ZW10: variants seen among roughly 807,000 people sequenced by gnomAD.
The protein encoded by ZW10 is centromere/kinetochore protein zw10 homolog.
Under a neutral mutation model 87.8 loss-of-function variants are expected in ZW10, and 53 were observed. The ratio of observed to expected loss-of-function variants is 0.60; its 90% CI spans 0.48 to 0.76. The LOEUF is 0.76. ZW10 is among the 30% of genes least tolerant of loss of function. The pLI, the probability that ZW10 is intolerant of heterozygous loss-of-function variation, is 0.00. For missense variants in ZW10, 837 were observed against 923.0 expected (o/e 0.91, Z 1.21); for synonymous variants, 312 against 329.2 (o/e 0.95, Z 0.57).
chr11:113,766,362 C>CA (rs1364165526), intron 2 of ZW10, among the ~76,000 whole-genome samples: 1 of 151,200 alleles, frequency 6.6e-6, no homozygotes, highest in Non-Finnish European at 1.5e-5. Flanking sequence ...GAAACCGTCT[C>CA]AAAAAAATAA....
At chr11:113,773,515 G>A (rs1412565354) in intron 1 of ZW10, 47 bp downstream of exon 1, 1 of 1,547,020 alleles carries the variant, frequency 6.5e-7, no homozygotes, top group Non-Finnish European at 8.8e-7. Context: ...CTTCACACAA[G>A]GACCCGGAGT....
chr11:113,769,503 C>T (rs943702967), intron 1 of ZW10, among the ~76,000 whole-genome samples: 4 of 152,186 alleles, frequency 2.6e-5, no homozygotes, highest in Non-Finnish European at 5.9e-5. Flanking sequence ...ATTGATTTGA[C>T]TTTCATCATC....
At chr11:113,765,386 G>T (rs1298676952) in intron 2 of ZW10, among the ~76,000 whole-genome samples, 4 of 152,166 alleles carry the variant, frequency 2.6e-5, no homozygotes, top group Admixed American at 2.6e-4. Flanking sequence ...ACAGTTGGGT[G>T]AGACCATGTC....
At chr11:113,741,002 C>T (rs894826338) in intron 11 of ZW10, among the ~76,000 whole-genome samples, 3 of 151,622 alleles carry the variant, frequency 2.0e-5, no homozygotes, top group Non-Finnish European at 4.4e-5. Flanking sequence ...AAAGAGAATA[C>T]AAATAAAACT....
At chr11:113,751,979 G>A (rs1223488048) in intron 7 of ZW10, among the ~76,000 whole-genome samples, 3 of 152,014 alleles carry the variant, frequency 2.0e-5, no homozygotes, top group Non-Finnish European at 2.9e-5. Context: ...AAAGTTTAAT[G>A]AACATTGTTA....
chr11:113,747,769 A>G (rs986953624), intron 8 of ZW10, 56 bp from the exon 9 acceptor site: 126 of 1,388,862 alleles, frequency 9.1e-5, no homozygotes, highest in Non-Finnish European at 1.2e-4. Flanking sequence ...CCATTACAAT[A>G]TTAGAATTTC....
At chr11:113,734,721 C>T (rs1454706363) in intron 15 of ZW10, among the ~76,000 whole-genome samples, 1 of 151,874 alleles carries the variant, frequency 6.6e-6, no homozygotes, top group East Asian at 1.9e-4. Flanking sequence ...AGAAGACTTG[C>T]TGGAGCGTGG....
At chr11:113,761,024 G>T in intron 2 of ZW10, 106 bp from the exon 3 acceptor site, 1 of 836,544 alleles carries the variant, frequency 1.2e-6, no homozygotes, top group Non-Finnish European at 1.9e-6. Context: ...AATTTATGTT[G>T]AAATTTAAAT....
At chr11:113,746,698 T>C (rs1227214827) in intron 9 of ZW10, among the ~76,000 whole-genome samples, 1 of 152,150 alleles carries the variant, frequency 6.6e-6, no homozygotes. Flanking sequence ...AAGCAAATCA[T>C]GTGATCTGCG....
chr11:113,741,834 T>A, intron 10 of ZW10, 69 bp from the exon 11 acceptor site: 1 of 1,066,184 alleles, frequency 9.4e-7, no homozygotes, highest in Non-Finnish European at 1.4e-6. Flanking sequence ...AAATTTAAAC[T>A]AAGTGCATCT....
chr11:113,735,745 T>C (rs958726219), intron 15 of ZW10, among the ~76,000 whole-genome samples: 5 of 152,202 alleles, frequency 3.3e-5, no homozygotes, highest in African/African-American at 9.6e-5. Context: ...TGATATGATA[T>C]AGCATACACT....
intron 10 of ZW10, among the ~76,000 whole-genome samples, chr11:113,742,607 TAGTC>T (rs1465435565): frequency 6.6e-6 from 1 of 152,218 alleles, no homozygotes; most frequent in Non-Finnish European, 1.5e-5. Flanking sequence ...TGTCCATAGA[TAGTC>T]AGTATACAAA....
chr11:113,741,373 A>C (rs890980052), intron 11 of ZW10, among the ~76,000 whole-genome samples: 9 of 152,216 alleles, frequency 5.9e-5, no homozygotes, highest in African/African-American at 2.2e-4. Flanking sequence ...AAACATTTTA[A>C]TTCAAATAAA....
intron 15 of ZW10, among the ~76,000 whole-genome samples, chr11:113,734,208 C>G (rs1402416468): frequency 1.3e-5 from 2 of 152,124 alleles, no homozygotes; most frequent in African/African-American, 4.8e-5. Context: ...TCCCATGAAT[C>G]AATAGTGAAA....
At chr11:113,754,894 G>A (rs550706416) in intron 7 of ZW10, among the ~76,000 whole-genome samples, 1 of 152,178 alleles carries the variant, frequency 6.6e-6, no homozygotes, top group African/African-American at 2.4e-5. Flanking sequence ...TCTTACCGTG[G>A]CCTTCCAAAG....
intron 3 of ZW10, 27 bp downstream of exon 3, chr11:113,760,790 A>C (rs1203342223): frequency 1.3e-5 from 21 of 1,598,066 alleles, no homozygotes; most frequent in Non-Finnish European, 1.5e-5. Flanking sequence ...CCACCAAAAC[A>C]CTAAGGTTCA....
At chr11:113,770,918 A>G (rs1205470675) in intron 1 of ZW10, among the ~76,000 whole-genome samples, 1 of 150,282 alleles carries the variant, frequency 6.7e-6, no homozygotes, top group African/African-American at 2.4e-5. Flanking sequence ...CGTTGCACAC[A>G]GGCTCATTAA....
chr11:113,761,300 CAG>C (rs949403022), intron 2 of ZW10, among the ~76,000 whole-genome samples: 1 of 152,062 alleles, frequency 6.6e-6, no homozygotes, highest in African/African-American at 2.4e-5. Flanking sequence ...TTAATTGAAA[CAG>C]GGTCTCACTC....
In ZW10 at chr11:113,756,683, T is replaced by C. The variant is rs117365183; in HGVS notation, c.925+979A>G. ...TCTCTCTCACTAAAAGCATTCAGAT[T>C]GGCTATCTGACCAATTGATGGAATA... On this transcript the variant is annotated intron_variant, in intron 7 of 15. Coordinates refer to ENST00000200135, the MANE Select transcript of ZW10 (RefSeq NM_004724.4). 2.8e-3 allele frequency among the ~76,000 whole-genome samples: 428 copies of C among 152,334 alleles called. 3 individuals are homozygous for C. The highest frequency in any genetic ancestry group is 5.4e-3 in the Non-Finnish European group (369 of 68,032).
Sources: gnomAD v4.1 joint callset for allele counts (sites outside exome capture counted in the v4.1 genomes callset) on GRCh38, gnomAD v4.1.1 for gene constraint, MANE v1.5 for transcripts, NCBI Gene and HGNC (gene_info 2026-07-23, HGNC 2026-07-21) for gene names.